Variants in RNGTT observed in about 807,000 individuals in gnomAD.
The protein encoded by RNGTT is RNA guanylyltransferase and 5'-phosphatase.
Under a neutral mutation model 79.3 loss-of-function variants are expected in RNGTT, and 33 were observed. The observed-to-expected ratio is 0.42, with a 90% CI of 0.32 to 0.56. The LOEUF (loss-of-function observed/expected upper bound fraction) is 0.56, where lower values mean the gene tolerates loss of function less well. Ranked by LOEUF, RNGTT falls within the 20% of genes least tolerant of loss-of-function variation. The pLI, the probability that RNGTT is intolerant of heterozygous loss-of-function variation, is 0.17. For missense variants in RNGTT, 497 were observed against 739.1 expected (o/e 0.67, Z 3.80); for synonymous variants, 222 against 235.9 (o/e 0.94, Z 0.54).
chr6:88,734,282 C>A (rs1296652078), intron 13 of RNGTT, among the ~76,000 whole-genome samples: 1 of 151,826 alleles, frequency 6.6e-6, no homozygotes. Flanking sequence ...ATGTATATTG[C>A]AAACCCTAGG....
intron 8 of RNGTT, among the ~76,000 whole-genome samples, chr6:88,858,124 A>G (rs1413518709): frequency 6.6e-6 from 1 of 152,160 alleles, no homozygotes; most frequent in Non-Finnish European, 1.5e-5. Context: ...GGCAATAAAA[A>G]CAGAAAAGCT....
chr6:88,962,240 T>G (rs1785654513), intron 1 of RNGTT, among the ~76,000 whole-genome samples: 1 of 152,116 alleles, frequency 6.6e-6, no homozygotes, highest in African/African-American at 2.4e-5. Context: ...GATATATTTG[T>G]GTATATACAG....
intron 14 of RNGTT, among the ~76,000 whole-genome samples, chr6:88,644,601 C>T (rs1440752672): frequency 2.0e-5 from 3 of 152,196 alleles, no homozygotes; most frequent in Non-Finnish European, 4.4e-5. Flanking sequence ...CAAAAATCCT[C>T]AATAAAATAC....
chr6:88,835,975 AACACACACACACACACAC>A lies in RNGTT; in HGVS notation c.1269+8364_1269+8381del, dbSNP rs72228554. ...ACAGCAAGACTCTGTCTCTATTAAA[AACACACACACACACACAC>A]ACACACACACACACACACACACACA... On this transcript the variant is annotated intron_variant, in intron 11 of 15. Coordinates refer to ENST00000369485, the MANE Select transcript of RNGTT (RefSeq NM_003800.5). Among the ~76,000 whole-genome samples the A allele has an allele frequency of 1.5e-4, 17 of 113,774 alleles. No homozygotes were observed. The South Asian group carries it at 2.7e-3, about 18-fold the overall frequency. The allele number at this position is 113,774 out of a possible 152,430, so 74.6% of individuals were successfully genotyped here.
At chr6:88,642,720 T>A (rs936268378) in intron 14 of RNGTT, among the ~76,000 whole-genome samples, 6 of 152,314 alleles carry the variant, frequency 3.9e-5, no homozygotes, top group East Asian at 3.9e-4. Flanking sequence ...TGAGTTTCCA[T>A]TTTCTCACAT....
At position 88,644,701 on chromosome 6, in the gene RNGTT, C is replaced by T. The variant is rs559892349; in HGVS notation, c.1507-30306G>A. ...TGGGATGCAAGGCTGGTTCAACATA[C>T]GCTAATCAATAAACATAATCCAGCA... On this transcript the variant is annotated intron_variant, in intron 14 of 15. Coordinates refer to ENST00000369485, the MANE Select transcript of RNGTT (RefSeq NM_003800.5). Among the ~76,000 whole-genome samples, 49 of 152,236 alleles carry T rather than the reference C, an allele frequency of 3.2e-4. No individual in the cohort carries two copies. In the South Asian group the frequency reaches 3.7e-3, roughly 12 times the overall value.
rs369233536 is a variant in RNGTT at position 88,777,255 on chromosome 6, A to G, written c.1339-7381T>C. Reference sequence around the variant, plus strand: ...CCATTTTAATTACTGGAGCTTAGTAATATAACTTGAAACCAGGAAGTGTGA... The same window carrying G: ...CCATTTTAATTACTGGAGCTTAGTAGTATAACTTGAAACCAGGAAGTGTGA... On this transcript the variant is annotated intron_variant, in intron 12 of 15. Transcript: ENST00000369485. Among the ~76,000 whole-genome samples, 23 of 152,286 alleles carry G rather than the reference A, an allele frequency of 1.5e-4. No individual in the cohort carries two copies. In the East Asian group the frequency reaches 3.5e-3, roughly 23 times the overall value.
chr6:88,859,398 G>A lies in RNGTT; in HGVS notation c.897-5634C>T, dbSNP rs139254789. On this transcript the variant is annotated intron_variant, in intron 8 of 15. Coordinates refer to ENST00000369485, the MANE Select transcript of RNGTT (RefSeq NM_003800.5). Reference sequence around the variant, plus strand: ...ATAGTTGCAGGAAGCACTATGACCCGCAGGACTAGGGGAACAAAATGAAAG... The same window carrying A: ...ATAGTTGCAGGAAGCACTATGACCCACAGGACTAGGGGAACAAAATGAAAG... 5.0e-3 allele frequency among the ~76,000 whole-genome samples: 760 copies of A among 152,212 alleles called. 5 individuals are homozygous for A. The highest frequency in any genetic ancestry group is 0.017 in the African/African-American group (699 of 41,540).
At chr6:88,776,138 A>G (rs574884291) in intron 12 of RNGTT, among the ~76,000 whole-genome samples, 3 of 152,164 alleles carry the variant, frequency 2.0e-5, no homozygotes, top group East Asian at 1.9e-4. Context: ...GGTTGTACCA[A>G]TTTACATTCC....
intron 13 of RNGTT, among the ~76,000 whole-genome samples, chr6:88,744,019 C>T (rs1407320718): frequency 6.6e-6 from 1 of 152,134 alleles, no homozygotes; most frequent in African/African-American, 2.4e-5. Context: ...GTACTCTTCA[C>T]CTTTTTTCCC....
chr6:88,689,768 C>A (rs1474031546), intron 13 of RNGTT, among the ~76,000 whole-genome samples: 2 of 150,456 alleles, frequency 1.3e-5, no homozygotes, highest in Non-Finnish European at 3.0e-5. Context: ...ATAATTGTTG[C>A]AAGCAAAAAA....
At chr6:88,818,173 T>G (rs1372470191) in intron 11 of RNGTT, among the ~76,000 whole-genome samples, 1 of 152,226 alleles carries the variant, frequency 6.6e-6, no homozygotes, top group Admixed American at 6.5e-5. Flanking sequence ...TTATGTGCAA[T>G]TGTTCCTAAG....
chr6:88,768,857 C>A lies in RNGTT; in HGVS notation c.1439+917G>T, dbSNP rs187465932. Among the ~76,000 whole-genome samples, 756 of 151,742 alleles carry A rather than the reference C, an allele frequency of 5.0e-3. 5 individuals carry two copies. The highest frequency in any genetic ancestry group is 0.017 in the African/African-American group (699 of 41,274). ...TATTCTAAGATAGCAACCAAAAAGT[C>A]ATAAAAGGAAGATTAACCAATAAAT... On this transcript the variant is annotated intron_variant, in intron 13 of 15. Transcript: ENST00000369485.
Position 88,769,881 on chromosome 6 carries a change from C to A in RNGTT, c.1339-7G>T. The A allele has an allele frequency of 6.3e-7, 1 of 1,583,874 alleles. No individual in the cohort carries two copies. The highest frequency in any genetic ancestry group is 8.7e-7 in the Non-Finnish European group (1 of 1,155,638). On this transcript the variant is annotated splice_region_variant and splice_polypyrimidine_tract_variant and intron_variant, in intron 12 of 15. Coordinates refer to ENST00000369485, the MANE Select transcript of RNGTT (RefSeq NM_003800.5). ...ATCGACCAGGTTTGTATTTCTAAAGCCAATTAAAATGATGACAATCGTTAC... is the reference window on the plus strand; with the variant it reads ...ATCGACCAGGTTTGTATTTCTAAAGACAATTAAAATGATGACAATCGTTAC...
intron 8 of RNGTT, among the ~76,000 whole-genome samples, chr6:88,872,462 G>C (rs1386924405): frequency 1.4e-4 from 22 of 152,244 alleles, no homozygotes; most frequent in Non-Finnish European, 3.2e-4. Flanking sequence ...CCTACTATTT[G>C]ATAGCACAAT....
chr6:88,945,061 T>C (rs766289736), intron 1 of RNGTT, among the ~76,000 whole-genome samples: 5 of 152,244 alleles, frequency 3.3e-5, no homozygotes, highest in African/African-American at 9.6e-5. Context: ...CTGATGAAGA[T>C]AGTCCTACAT....
intron 13 of RNGTT, among the ~76,000 whole-genome samples, chr6:88,683,224 G>A (rs1461175624): frequency 6.6e-6 from 1 of 151,978 alleles, no homozygotes; most frequent in Non-Finnish European, 1.5e-5. Flanking sequence ...AATTGATTCT[G>A]AATGAGGCTG....
chr6:88,831,074 C>T (rs1183549562), intron 11 of RNGTT, among the ~76,000 whole-genome samples: 1 of 152,160 alleles, frequency 6.6e-6, no homozygotes, highest in African/African-American at 2.4e-5. Flanking sequence ...GGGGCTCCAA[C>T]CTAACTCATT....
intron 14 of RNGTT, among the ~76,000 whole-genome samples, chr6:88,675,796 TA>T (rs1268780739): frequency 6.7e-6 from 1 of 150,012 alleles, no homozygotes. Context: ...TCAGGGTGAG[TA>T]AAAAAAAATT....
Sources: allele counts gnomAD v4.1 joint callset (sites outside exome capture counted in the v4.1 genomes callset), GRCh38; gene constraint gnomAD v4.1.1; transcripts MANE v1.5; gene names NCBI Gene and HGNC (gene_info 2026-07-23, HGNC 2026-07-21).